DHRSX: variants seen among roughly 807,000 people sequenced by gnomAD.
The protein encoded by DHRSX is polyprenol dehydrogenase.
DHRSX carries 31 observed loss-of-function variants against 34.0 expected under a neutral mutation model. The ratio of observed to expected loss-of-function variants is 0.91; its 90% CI spans 0.69 to 1.23. The LOEUF is 1.23. Ranked by LOEUF, DHRSX falls within the 50% of genes most tolerant of loss-of-function variation. DHRSX has a pLI of 0.00. For missense variants in DHRSX, 414 were observed against 428.1 expected, an observed-to-expected ratio of 0.97 and a Z score of 0.29; for synonymous variants, 201 against 183.8, an observed-to-expected ratio of 1.09 and a Z score of -0.76.
chrX:2,226,529 G>A (rs754114318), intron 6 of DHRSX, among the ~76,000 whole-genome samples: 50 of 152,208 alleles, frequency 3.3e-4, no homozygotes, highest in Non-Finnish European at 6.2e-4. Flanking sequence ...ACACAGGCGC[G>A]GTAGCTCACG....
chrX:2,263,034 G>A (rs2041385002), intron 5 of DHRSX, among the ~76,000 whole-genome samples: 2 of 152,258 alleles, frequency 1.3e-5, no homozygotes, highest in African/African-American at 2.4e-5. Context: ...CAGGGCCTGG[G>A]GGTGGGGAGG....
chrX:2,282,437 AGAG>A (rs780359988), intron 4 of DHRSX, among the ~76,000 whole-genome samples: 65 of 146,924 alleles, frequency 4.4e-4, no homozygotes, highest in Non-Finnish European at 7.7e-4. Flanking sequence ...GGCAAAGGAG[AGAG>A]GAGGAGAGAT....
chrX:2,385,545 A>G (rs1356012025), intron 3 of DHRSX, among the ~76,000 whole-genome samples: 3 of 152,150 alleles, frequency 2.0e-5, no homozygotes, highest in African/African-American at 7.2e-5. Flanking sequence ...CTTGCCATCC[A>G]TTCAATTTGT....
At chrX:2,497,294 G>A (rs1239065380) in intron 1 of DHRSX, among the ~76,000 whole-genome samples, 4 of 152,226 alleles carry the variant, frequency 2.6e-5, no homozygotes, top group Non-Finnish European at 4.4e-5. Context: ...TCGGGAGGCT[G>A]AGGCAGGAGA....
At chrX:2,478,537 C>T (rs745345344) in intron 1 of DHRSX, among the ~76,000 whole-genome samples, 2 of 80,514 alleles carry the variant, frequency 2.5e-5, no homozygotes, top group South Asian at 6.1e-4. Context: ...GCCAAGGGAC[C>T]ACCAGTGTGT....
At chrX:2,353,911 C>G (rs1174077872) in intron 3 of DHRSX, among the ~76,000 whole-genome samples, 2 of 152,026 alleles carry the variant, frequency 1.3e-5, no homozygotes, top group African/African-American at 4.8e-5. Flanking sequence ...TATATGTATG[C>G]ACACACCTCA....
chrX:2,376,463 C>G (rs2043141551), intron 3 of DHRSX, among the ~76,000 whole-genome samples: 2 of 137,370 alleles, frequency 1.5e-5, no homozygotes, highest in Admixed American at 7.3e-5. Context: ...GCCTGGAGAT[C>G]TAACATCCAC....
At position 2,406,442 on chromosome X, in the gene DHRSX, T is replaced by C. The variant is rs1004282017; in HGVS notation, c.286+2303A>G. Among the ~76,000 whole-genome samples the C allele has an allele frequency of 1.3e-4, 7 of 54,870 alleles. No individual in the cohort carries two copies. In the African/African-American group the frequency reaches 1.7e-3, roughly 13 times the overall value. 36.0% of individuals were successfully genotyped at this position (54,870 alleles called of 152,430 possible). On this transcript the variant is annotated intron_variant, in intron 3 of 6. Transcript: ENST00000334651. Reference sequence around the variant, plus strand: ...TTTTTGTTTGTGTTTTTTTGTTTTTTGTTTTTTTTTTTCTTTGAGACAGAG... The same window carrying C: ...TTTTTGTTTGTGTTTTTTTGTTTTTCGTTTTTTTTTTTCTTTGAGACAGAG...
chrX:2,321,794 C>T (rs1242983955), intron 3 of DHRSX, among the ~76,000 whole-genome samples: 1 of 152,078 alleles, frequency 6.6e-6, no homozygotes, highest in Non-Finnish European at 1.5e-5. Context: ...GCATTTTCTT[C>T]TACCTCTGCC....
intron 3 of DHRSX, among the ~76,000 whole-genome samples, chrX:2,314,706 G>C (rs750398970): frequency 1.3e-5 from 2 of 151,980 alleles, no homozygotes; most frequent in African/African-American, 4.8e-5. Context: ...CATCTAATGA[G>C]AACTCATGGT....
At chrX:2,258,313 G>A (rs1290999806) in intron 5 of DHRSX, among the ~76,000 whole-genome samples, 2 of 150,786 alleles carry the variant, frequency 1.3e-5, no homozygotes, top group Non-Finnish European at 3.0e-5. Flanking sequence ...AGAAGATGGC[G>A]TCTACAAGTC....
intron 3 of DHRSX, among the ~76,000 whole-genome samples, chrX:2,298,610 A>ACGCACGCACACGCGCACACG (rs1569485191): frequency 1.5e-5 from 1 of 64,718 alleles, no homozygotes; most frequent in African/African-American, 3.7e-5. Context: ...GTACACACAC[A>ACGCACGCACACGCGCACACG]CACACACACA....
At chrX:2,492,886 G>T (rs1475260692) in intron 1 of DHRSX, among the ~76,000 whole-genome samples, 1 of 152,246 alleles carries the variant, frequency 6.6e-6, no homozygotes, top group Non-Finnish European at 1.5e-5. Context: ...ATTAAAGCAA[G>T]GTATTCTGAA....
At chrX:2,373,808 C>T (rs1289565752) in intron 3 of DHRSX, among the ~76,000 whole-genome samples, 1 of 151,998 alleles carries the variant, frequency 6.6e-6, no homozygotes, top group African/African-American at 2.4e-5. Context: ...AGGCATCATC[C>T]GGCCAGGAAA....
chrX:2,325,884 A>T (rs1202764159), intron 3 of DHRSX, among the ~76,000 whole-genome samples: 2 of 151,548 alleles, frequency 1.3e-5, no homozygotes, highest in South Asian at 2.1e-4. Context: ...CCACTCCTAA[A>T]CTCCTCGTGT....
intron 1 of DHRSX, chrX:2,489,502 C>T: frequency 6.2e-7 from 1 of 1,613,436 alleles, no homozygotes; most frequent in Non-Finnish European, 8.5e-7. Context: ...TCTCGGCCAC[C>T]TGCTTGAAGG....
rs1202047332 is a variant in DHRSX at position 2,292,633 on chromosome X, C to T, written c.287-1030G>A. Among the ~76,000 whole-genome samples the T allele has an allele frequency of 2.0e-5, 3 of 151,702 alleles. No individual in the cohort carries two copies. In the East Asian group the frequency reaches 5.8e-4, roughly 29 times the overall value. ...CAGGAAGCAATTTATGCATCCCCTG[C>T]TACAGATAGTAAGAAGTACGAGCCC... On this transcript the variant is annotated intron_variant, in intron 3 of 6. Transcript: ENST00000334651.
intron 3 of DHRSX, among the ~76,000 whole-genome samples, chrX:2,399,494 C>G (rs1191613498): frequency 6.6e-6 from 1 of 150,872 alleles, no homozygotes; most frequent in African/African-American, 2.4e-5. Context: ...ATCACAAAGT[C>G]AGGAGATCAA....
chrX:2,309,408 G>A (rs1264184783), intron 3 of DHRSX, among the ~76,000 whole-genome samples: 1 of 151,676 alleles, frequency 6.6e-6, no homozygotes, highest in Admixed American at 6.6e-5. Context: ...ATATACAGAA[G>A]AAAAAAATCA....
Sources: gnomAD v4.1 joint callset for allele counts (sites outside exome capture counted in the v4.1 genomes callset) on GRCh38, gnomAD v4.1.1 for gene constraint, MANE v1.5 for transcripts, NCBI Gene and HGNC (gene_info 2026-07-23, HGNC 2026-07-21) for gene names.